Variants in COL27A1 observed in about 807,000 individuals in gnomAD.
The protein encoded by COL27A1 is collagen alpha-1(XXVII) chain.
In COL27A1, 106 loss-of-function variants were observed where a neutral mutation model predicts 251.3. The observed-to-expected ratio is 0.42, with a 90% CI of 0.36 to 0.50. The LOEUF (loss-of-function observed/expected upper bound fraction) is 0.50. Among genes scored for constraint, COL27A1 ranks in the 20% least tolerant of loss-of-function variants. The probability of loss-of-function intolerance (pLI) is 0.00; values close to 1 mark genes in which losing one functional copy is unlikely to be tolerated. For synonymous variants in COL27A1, 1,000 were observed against 986.3 expected (o/e 1.01, Z -0.26); for missense variants, 2,325 against 2,522.8 (o/e 0.92, Z 1.68).
At chr9:114,257,167 C>T (rs57185894) in intron 27 of COL27A1, among the ~76,000 whole-genome samples, 1,727 of 152,308 alleles carry the variant, frequency 0.011, 35 homozygotes, top group African/African-American at 0.037. Context: ...CAAGAGTTCG[C>T]TCTGAGGCAC....
intron 19 of COL27A1, 123 bp downstream of exon 19, chr9:114,237,838 C>A: frequency 1.3e-6 from 1 of 751,696 alleles, no homozygotes; most frequent in South Asian, 1.5e-5. Context: ...AGAGATGAGG[C>A]TGAGAGGAGA....
rs367573546 is a variant in COL27A1 at position 114,168,763 on chromosome 9, C to A, written c.1208C>A (p.Thr403Asn). ...PSSFTKSALP[T>N]QKQVPPTSRP... The stretch of plus-strand genomic sequence containing the variant: ...TCATTTACAAAGTCAGCCCTACCCA[C>A]TCAGAAGCAAGTGCCACCTACTTCC... Residue 403 changes from threonine (T) to asparagine (N), a missense_variant, in exon 3 of 61, where the codon ACT becomes AAT. Thr to Asn is a moderately conservative substitution (Grantham distance 65). Coordinates refer to ENST00000356083, the MANE Select transcript of COL27A1 (RefSeq NM_032888.4). 1.9e-6 allele frequency: 3 copies of A among 1,614,036 alleles called. No individual in the cohort carries two copies. Among genetic ancestry groups the A allele is most frequent in the African/African-American group, 2.7e-5 (2 of 75,032 alleles).
chr9:114,179,222 A>G lies in COL27A1; in HGVS notation c.1962+878A>G, dbSNP rs970284738. On this transcript the variant is annotated intron_variant, in intron 4 of 60. Transcript: ENST00000356083. ...AGCGAGTGGTTCTGGTTATGCAATT[A>G]CCCAAGCCCTAGTTCCCTCCAGACC... 2.8e-4 allele frequency among the ~76,000 whole-genome samples: 43 copies of G among 152,092 alleles called. 1 individual carries two copies. Among genetic ancestry groups the G allele is most frequent in the African/African-American group, 8.9e-4 (37 of 41,474 alleles).
Position 114,290,904 on chromosome 9 carries a change from C to A in COL27A1, c.4463C>A (p.Pro1488His). The A allele has an allele frequency of 6.4e-7, 1 of 1,551,058 alleles. No homozygotes were observed. The highest frequency in any genetic ancestry group is 8.7e-7 in the Non-Finnish European group (1 of 1,146,596). Residue 1488 changes from proline to histidine, a missense_variant, in exon 48 of 61, where the codon CCC becomes CAC. This residue lies in a region of COL27A1 where 153 missense variants were observed against 140.7 expected (regional missense o/e 1.09). Coordinates refer to ENST00000356083, the MANE Select transcript of COL27A1 (RefSeq NM_032888.4). The surrounding 1 kb of genome is among the most constrained non-coding windows in gnomAD (Gnocchi z 4.6). ...GCCGGCTTACCTGGAGCACAGGGAC[C>A]CCCAGGATTCAAGGTCAGATACCTC... is the stretch of plus-strand genomic sequence containing the variant. ...GVAGLPGAQG[P>H]PGFKGESGLP...
At chr9:114,274,775 C>T (rs965611751) in intron 36 of COL27A1, among the ~76,000 whole-genome samples, 2 of 152,102 alleles carry the variant, frequency 1.3e-5, no homozygotes, top group African/African-American at 4.8e-5. Flanking sequence ...TGCTTCACTG[C>T]CCTGAGCCTG....
At chr9:114,297,173 C>T (rs530667483) in intron 49 of COL27A1, among the ~76,000 whole-genome samples, 102 of 152,252 alleles carry the variant, frequency 6.7e-4, no homozygotes, top group African/African-American at 2.2e-3. Flanking sequence ...CAAAACAAAT[C>T]AGATTATACA....
At chr9:114,256,713 C>T (rs902500281) in intron 27 of COL27A1, among the ~76,000 whole-genome samples, 3 of 152,186 alleles carry the variant, frequency 2.0e-5, no homozygotes, top group Non-Finnish European at 4.4e-5. Context: ...ACTCTTCTAT[C>T]CCCATGTTAT....
At chr9:114,269,634 A>AAAGAAG (rs58963756) in intron 35 of COL27A1, among the ~76,000 whole-genome samples, 4 of 114,350 alleles carry the variant, frequency 3.5e-5, no homozygotes, top group African/African-American at 8.5e-5. Flanking sequence ...AAAAAAAAAA[A>AAAGAAG]AAGAAGAAGA....
Position 114,264,340 on chromosome 9 carries a change from T to C in COL27A1, c.3196-15T>C. ...CCCTGCTGTCCGGTGTGCTAGTCCC[T>C]TTTTCCTATTCCAGGGCCCCCGAGG... On this transcript the variant is annotated splice_polypyrimidine_tract_variant and intron_variant, in intron 28 of 60. Transcript: ENST00000356083. The C allele has an allele frequency of 6.3e-6, 10 of 1,575,928 alleles. No individual in the cohort carries two copies. The East Asian group carries it at 6.9e-5, about 11-fold the overall frequency.
intron 1 of COL27A1, among the ~76,000 whole-genome samples, chr9:114,160,922 G>A (rs1588545878): frequency 6.6e-6 from 1 of 152,210 alleles, no homozygotes; most frequent in East Asian, 1.9e-4. Context: ...CAGAGCTGGA[G>A]AAGGCGTTCA....
intron 16 of COL27A1, among the ~76,000 whole-genome samples, chr9:114,234,433 T>C (rs954093838): frequency 2.0e-5 from 3 of 152,138 alleles, no homozygotes; most frequent in Non-Finnish European, 4.4e-5. Flanking sequence ...CCATTCTTCC[T>C]CCTGCTCCCA....
chr9:114,306,432 G>A, intron 57 of COL27A1, 88 bp from the exon 58 acceptor site: 1 of 1,367,038 alleles, frequency 7.3e-7, no homozygotes, highest in South Asian at 1.3e-5. Flanking sequence ...ATACCTCCCA[G>A]GTTGTGAGAA....
At chr9:114,306,358 G>C in intron 57 of COL27A1, 162 bp from the exon 58 acceptor site, 1 of 656,260 alleles carries the variant, frequency 1.5e-6, no homozygotes, top group South Asian at 2.0e-5. Context: ...TCCCTGGCCC[G>C]TTTTCTTGTC....
chr9:114,221,726 G>A (rs1422781467), intron 13 of COL27A1, among the ~76,000 whole-genome samples: 1 of 152,192 alleles, frequency 6.6e-6, no homozygotes, highest in African/African-American at 2.4e-5. Flanking sequence ...ATGTGAGGGT[G>A]TGGGGTGCTG....
At position 114,235,079 on chromosome 9, in the gene COL27A1, CA is replaced by C. The variant is rs34337576; in HGVS notation, c.2566-500del. Among the ~76,000 whole-genome samples, 328 of 88,240 alleles carry C rather than the reference CA, an allele frequency of 3.7e-3. 1 individual carries two copies. Among genetic ancestry groups the C allele is most frequent in the Middle Eastern group, 0.014 (2 of 144 alleles). The allele number at this position is 88,240 out of a possible 152,430, so 57.9% of individuals were successfully genotyped here. A position where few individuals can be genotyped will look rare whatever the true frequency, so the allele number is the denominator to read the frequency against. On this transcript the variant is annotated intron_variant, in intron 16 of 60. Transcript: ENST00000356083. ...GAGCAACTAGAGTGAGACTCCATCT[CA>C]AAAAAAAAAAAAAAAAAAATAGACC...
intron 3 of COL27A1, among the ~76,000 whole-genome samples, chr9:114,177,952 G>A (rs771280893): frequency 1.1e-4 from 17 of 152,178 alleles, no homozygotes; most frequent in Non-Finnish European, 2.2e-4. Flanking sequence ...GGGAGACACA[G>A]GCTTCTAAGC....
intron 5 of COL27A1, among the ~76,000 whole-genome samples, chr9:114,189,242 G>A (rs1337296463): frequency 6.6e-6 from 1 of 152,160 alleles, no homozygotes; most frequent in Non-Finnish European, 1.5e-5. Context: ...GTTAATGGGG[G>A]TGATGGAAAT....
intron 12 of COL27A1, among the ~76,000 whole-genome samples, chr9:114,212,806 C>T (rs1830453348): frequency 6.6e-6 from 1 of 152,208 alleles, no homozygotes; most frequent in Non-Finnish European, 1.5e-5. Context: ...AATAAGGTTT[C>T]CTGGATGGCT....
chr9:114,302,221 G>A (rs2131668059), intron 56 of COL27A1, 113 bp downstream of exon 56: 2 of 841,528 alleles, frequency 2.4e-6, no homozygotes, highest in East Asian at 4.9e-5. Context: ...CTGGGTCTAG[G>A]GACGCCCATG....
Sources: gnomAD v4.1 joint callset for allele counts (sites outside exome capture counted in the v4.1 genomes callset) on GRCh38, gnomAD v4.1.1 for gene constraint, gnomAD v4.1.1 regional missense constraint, Gnocchi (gnomAD v3.1) non-coding constraint, MANE v1.5 for transcripts, NCBI Gene and HGNC (gene_info 2026-07-23, HGNC 2026-07-21) for gene names.